ALDH1A1: variants seen among roughly 807,000 people sequenced by gnomAD.
The protein encoded by ALDH1A1 is aldehyde dehydrogenase 1 family member A1.
Under a neutral mutation model 62.1 loss-of-function variants are expected in ALDH1A1, and 19 were observed. That is an observed-to-expected ratio of 0.31 (90% confidence interval 0.21 to 0.45). The LOEUF is 0.45. Ranked by LOEUF, ALDH1A1 falls within the 20% of genes least tolerant of loss-of-function variation. ALDH1A1 has a pLI of 1.00. For missense variants in ALDH1A1, 521 were observed against 607.1 expected (o/e 0.86, Z 1.49); for synonymous variants, 231 against 215.9 (o/e 1.07, Z -0.61).
chr9:72,930,077 G>A (rs1490783507), intron 3 of ALDH1A1, among the ~76,000 whole-genome samples: 1 of 152,064 alleles, frequency 6.6e-6, no homozygotes, highest in Admixed American at 6.6e-5. Context: ...TAAAAATGTA[G>A]ACTTCTTTGT....
Position 72,901,160 on chromosome 9 carries a change from A to C in ALDH1A1, c.*48T>G, listed in dbSNP as rs373669384. The C allele has an allele frequency of 6.4e-6, 9 of 1,395,600 alleles. No individual in the cohort carries two copies. The highest frequency in any genetic ancestry group is 9.1e-6 in the Non-Finnish European group (9 of 986,292). The allele number at this position is 1,395,600 out of a possible 1,614,324, so 86.5% of individuals were successfully genotyped here. Reference sequence around the variant, plus strand: ...AAAATCTACTATATTAGTGACTGTAAGGAGATGCTTAGCTATTGAAGAGCT... The same window carrying C: ...AAAATCTACTATATTAGTGACTGTACGGAGATGCTTAGCTATTGAAGAGCT... On this transcript the variant is annotated 3_prime_UTR_variant, in exon 13 of 13. Transcript: ENST00000297785.
intron 9 of ALDH1A1, among the ~76,000 whole-genome samples, chr9:72,913,407 G>T (rs1037337693): frequency 1.3e-5 from 2 of 152,132 alleles, no homozygotes; most frequent in Non-Finnish European, 2.9e-5. Flanking sequence ...TACATAGGTT[G>T]AATAGTAGCA....
chr9:72,924,009 A>G lies in ALDH1A1; in HGVS notation c.747+10T>C. ...CATTCTTAACTTTTGCCCTGAGTAAATAATATTACCTCTGTTGATCCTGTG... is the reference window on the plus strand; with the variant it reads ...CATTCTTAACTTTTGCCCTGAGTAAGTAATATTACCTCTGTTGATCCTGTG... On this transcript the variant is annotated intron_variant, in intron 7 of 12. Coordinates refer to ENST00000297785, the MANE Select transcript of ALDH1A1 (RefSeq NM_000689.5). 1 of 1,573,350 alleles carries G rather than the reference A, an allele frequency of 6.4e-7. No homozygotes were observed. Among genetic ancestry groups the G allele is most frequent in the Non-Finnish European group, 8.6e-7 (1 of 1,157,960 alleles).
At chr9:72,939,397 C>T (rs974752830) in intron 2 of ALDH1A1, among the ~76,000 whole-genome samples, 1 of 151,982 alleles carries the variant, frequency 6.6e-6, no homozygotes, top group South Asian at 2.1e-4. Flanking sequence ...ATAATTTTTA[C>T]AGGTGTTGAA....
chr9:72,952,864 AC>A, intron 1 of ALDH1A1, 70 bp downstream of exon 1: 1 of 1,536,858 alleles, frequency 6.5e-7, no homozygotes, highest in Non-Finnish European at 8.9e-7. Context: ...ACTTAAATTG[AC>A]CTTTAATGCT....
intron 2 of ALDH1A1, among the ~76,000 whole-genome samples, chr9:72,937,171 C>T (rs912601620): frequency 6.6e-6 from 1 of 151,986 alleles, no homozygotes; most frequent in African/African-American, 2.4e-5. Context: ...AAGACTACTT[C>T]ATAGATTTAT....
chr9:72,934,912 A>G (rs1042408676), intron 2 of ALDH1A1, among the ~76,000 whole-genome samples: 1 of 149,336 alleles, frequency 6.7e-6, no homozygotes, highest in Admixed American at 6.8e-5. Flanking sequence ...AGGCTGCCCT[A>G]ATAATGACCT....
Position 72,901,242 on chromosome 9 carries a change from G to A in ALDH1A1, c.1472C>T (p.Thr491Ile). Residue 491 changes from threonine (T) to isoleucine (I), a missense_variant, in exon 13 of 13, where the codon ACA becomes ATA. By Grantham distance (89) the Thr-to-Ile change is moderately conservative (BLOSUM62 -1). Coordinates refer to ENST00000297785, the MANE Select transcript of ALDH1A1 (RefSeq NM_000689.5). Reference sequence around the variant, plus strand: ...CTTCTGAGAGATTTTCACTGTGACTGTTTTGACCTCTGTATATTCATGGAA... The same window carrying A: ...CTTCTGAGAGATTTTCACTGTGACTATTTTGACCTCTGTATATTCATGGAA... The part of the protein sequence containing the change: ...YGFHEYTEVK[T>I]VTVKISQKNS 1 of 1,610,358 alleles carries A rather than the reference G, an allele frequency of 6.2e-7. No individual in the cohort carries two copies. Among genetic ancestry groups the A allele is most frequent in the Non-Finnish European group, 8.5e-7 (1 of 1,178,124 alleles).
At chr9:72,923,319 A>G (rs898922837) in intron 7 of ALDH1A1, among the ~76,000 whole-genome samples, 1 of 152,226 alleles carries the variant, frequency 6.6e-6, no homozygotes, top group Non-Finnish European at 1.5e-5. Context: ...TGCACTGAGC[A>G]TCTAACAAAG....
chr9:72,952,363 T>C (rs955890852), intron 1 of ALDH1A1, among the ~76,000 whole-genome samples: 4 of 152,104 alleles, frequency 2.6e-5, no homozygotes, highest in Non-Finnish European at 2.9e-5. Context: ...TCTGCTCCAA[T>C]GGCAACAAAC....
intron 2 of ALDH1A1, among the ~76,000 whole-genome samples, chr9:72,934,019 C>A (rs2118553338): frequency 6.6e-6 from 1 of 152,202 alleles, no homozygotes; most frequent in Middle Eastern, 3.4e-3. Flanking sequence ...TGGTCTCAAA[C>A]CCCTGGGCTC....
chr9:72,937,136 G>A (rs1830355817), intron 2 of ALDH1A1, among the ~76,000 whole-genome samples: 1 of 151,960 alleles, frequency 6.6e-6, no homozygotes, highest in Non-Finnish European at 1.5e-5. Context: ...TGGAATGTAT[G>A]GAAATTCAAC....
intron 1 of ALDH1A1, among the ~76,000 whole-genome samples, chr9:72,944,830 G>A (rs1164764462): frequency 1.3e-5 from 2 of 152,022 alleles, no homozygotes; most frequent in Admixed American, 6.6e-5. Flanking sequence ...TAATATATAT[G>A]TAAAGTAGAC....
intron 1 of ALDH1A1, among the ~76,000 whole-genome samples, chr9:72,951,901 C>G (rs568216903): frequency 1.3e-5 from 2 of 152,094 alleles, no homozygotes; most frequent in Non-Finnish European, 2.9e-5. Flanking sequence ...AGCTGAGCAA[C>G]TTCCTCATTT....
rs1444932669 is a variant in ALDH1A1 at position 72,908,455 on chromosome 9, A to AG, written c.1358+1146_1358+1147insC. 1.8e-3 allele frequency among the ~76,000 whole-genome samples: 92 copies of AG among 50,522 alleles called. 12 individuals carry two copies. The highest frequency in any genetic ancestry group is 4.8e-3 in the East Asian group (7 of 1,446). 33.1% of individuals were successfully genotyped at this position (50,522 alleles called of 152,430 possible). A position where few individuals can be genotyped will look rare whatever the true frequency, so the allele number is the denominator to read the frequency against. On this transcript the variant is annotated intron_variant, in intron 11 of 12. Coordinates refer to ENST00000297785, the MANE Select transcript of ALDH1A1 (RefSeq NM_000689.5). ...AGCTCAAAAAAAAAAAAAAAAAAAA[A>AG]AAAAAGAAGAAAGAAAAGAAAAGAG...
At chr9:72,938,275 A>G (rs1279192810) in intron 2 of ALDH1A1, among the ~76,000 whole-genome samples, 1 of 152,158 alleles carries the variant, frequency 6.6e-6, no homozygotes, top group Non-Finnish European at 1.5e-5. Context: ...ATAAAACATT[A>G]CTTCTTTACA....
intron 5 of ALDH1A1, 58 bp downstream of exon 5, chr9:72,927,058 T>G: frequency 8.1e-7 from 1 of 1,229,832 alleles, no homozygotes; most frequent in East Asian, 2.3e-5. Context: ...GCTTCATCAT[T>G]AGATAGAATA....
intron 2 of ALDH1A1, among the ~76,000 whole-genome samples, chr9:72,932,852 G>T (rs1209063559): frequency 6.6e-6 from 1 of 152,204 alleles, no homozygotes; most frequent in African/African-American, 2.4e-5. Flanking sequence ...TGTTTAAACA[G>T]ATCTGTATGA....
intron 10 of ALDH1A1, among the ~76,000 whole-genome samples, chr9:72,911,130 C>T (rs1011995662): frequency 6.6e-6 from 1 of 151,742 alleles, no homozygotes; most frequent in Non-Finnish European, 1.5e-5. Flanking sequence ...TGTATATACA[C>T]ATTATATATG....
Sources: gnomAD v4.1 joint callset for allele counts (sites outside exome capture counted in the v4.1 genomes callset) on GRCh38, gnomAD v4.1.1 for gene constraint, MANE v1.5 for transcripts, NCBI Gene and HGNC (gene_info 2026-07-23, HGNC 2026-07-21) for gene names.